Variants in SCAMP2 observed in about 807,000 individuals in gnomAD.
SCAMP2 encodes the protein secretory carrier-associated membrane protein 2.
In SCAMP2, 25 loss-of-function variants were observed where a neutral mutation model predicts 44.1. The ratio of observed to expected loss-of-function variants is 0.57; its 90% CI spans 0.41 to 0.79. The LOEUF (loss-of-function observed/expected upper bound fraction) is 0.79, where lower values mean the gene tolerates loss of function less well. Ranked by LOEUF, SCAMP2 falls within the 30% of genes least tolerant of loss-of-function variation. The probability of loss-of-function intolerance (pLI) is 0.00; values close to 1 mark genes in which losing one functional copy is unlikely to be tolerated. For synonymous variants in SCAMP2, 156 were observed against 166.0 expected (o/e 0.94, Z 0.46); for missense variants, 355 against 411.0 (o/e 0.86, Z 1.18).
chr15:74,853,886 G>T, intron 3 of SCAMP2, 135 bp downstream of exon 3: 1 of 745,092 alleles, frequency 1.3e-6, no homozygotes, highest in Non-Finnish European at 2.3e-6. Context: ...GACCAGCTCC[G>T]AACAAATTAG....
intron 7 of SCAMP2, chr15:74,848,299 C>A: frequency 4.0e-6 from 1 of 247,556 alleles, no homozygotes; most frequent in Non-Finnish European, 7.7e-6. Context: ...AACTCCTGGG[C>A]TTGAGCAATC....
chr15:74,851,570 A>C (rs1230191963), intron 4 of SCAMP2, 89 bp from the exon 5 acceptor site: 21 of 1,544,832 alleles, frequency 1.4e-5, no homozygotes, highest in Admixed American at 7.0e-5. Flanking sequence ...GTATGGGCCA[A>C]ACCAGGGTTC....
chr15:74,845,844 T>C (rs1293647663), intron 7 of SCAMP2, among the ~76,000 whole-genome samples: 2 of 152,204 alleles, frequency 1.3e-5, no homozygotes, highest in African/African-American at 2.4e-5. Context: ...GAGGATGTGG[T>C]TGCTGCCTTC....
At chr15:74,873,122 G>A in intron 1 of SCAMP2, 77 bp downstream of exon 1, 1 of 1,264,220 alleles carries the variant, frequency 7.9e-7, no homozygotes, top group Non-Finnish European at 1.0e-6. Flanking sequence ...ACGTCTCCCG[G>A]CTCTAGCGAG....
chr15:74,861,122 C>T (rs892219944), intron 1 of SCAMP2, among the ~76,000 whole-genome samples: 2 of 151,538 alleles, frequency 1.3e-5, no homozygotes, highest in Non-Finnish European at 2.9e-5. Context: ...TTGCAGTGAG[C>T]CAAGATCGTG....
chr15:74,871,871 C>T (rs2064577997), intron 1 of SCAMP2, among the ~76,000 whole-genome samples: 1 of 150,732 alleles, frequency 6.6e-6, no homozygotes, highest in African/African-American at 2.4e-5. Context: ...AAGGTGAAAC[C>T]CCGTCTCTAC....
At chr15:74,861,222 G>A (rs2141178262) in intron 1 of SCAMP2, among the ~76,000 whole-genome samples, 1 of 152,198 alleles carries the variant, frequency 6.6e-6, no homozygotes, top group South Asian at 2.1e-4. Flanking sequence ...AAAATTCAGG[G>A]TCATGCTGAG....
intron 4 of SCAMP2, 53 bp from the exon 5 acceptor site, chr15:74,851,534 T>A: frequency 1.9e-6 from 3 of 1,605,354 alleles, no homozygotes; most frequent in Non-Finnish European, 2.6e-6. Flanking sequence ...AGAAGGGGCA[T>A]CAAGGTGCAT....
chr15:74,847,508 G>A (rs1227962758), intron 7 of SCAMP2, among the ~76,000 whole-genome samples: 1 of 152,196 alleles, frequency 6.6e-6, no homozygotes, highest in Non-Finnish European at 1.5e-5. Flanking sequence ...GGTCAAAAGG[G>A]ACCAGATTAA....
intron 5 of SCAMP2, among the ~76,000 whole-genome samples, chr15:74,850,897 G>C (rs968321285): frequency 6.6e-6 from 1 of 152,192 alleles, no homozygotes; most frequent in Non-Finnish European, 1.5e-5. Context: ...GGGACAGCCC[G>C]GGTATCTGAG....
intron 6 of SCAMP2, among the ~76,000 whole-genome samples, chr15:74,849,499 T>G (rs1230243704): frequency 6.6e-6 from 1 of 150,652 alleles, no homozygotes; most frequent in Non-Finnish European, 1.5e-5. Context: ...ATCCCAGCAC[T>G]TTGGGAGGCC....
intron 1 of SCAMP2, among the ~76,000 whole-genome samples, chr15:74,866,266 C>A (rs951715573): frequency 6.6e-6 from 1 of 151,578 alleles, no homozygotes; most frequent in African/African-American, 2.4e-5. Flanking sequence ...AAGCAGCAGA[C>A]GCATCCCAGG....
At chr15:74,849,275 C>G (rs941368477) in intron 6 of SCAMP2, among the ~76,000 whole-genome samples, 1 of 152,184 alleles carries the variant, frequency 6.6e-6, no homozygotes, top group African/African-American at 2.4e-5. Context: ...TGGCAAAACC[C>G]TGTCTCTACT....
intron 4 of SCAMP2, 29 bp downstream of exon 4, chr15:74,852,040 C>A (rs745332887): frequency 3.4e-6 from 5 of 1,478,036 alleles, no homozygotes; most frequent in East Asian, 2.5e-5. Context: ...CCAGGCAGGG[C>A]AGCCCCAGGC....
Position 74,852,103 on chromosome 15 carries a change from C to A in SCAMP2, c.309G>T (p.Glu103Asp). The A allele has an allele frequency of 6.3e-7, 1 of 1,593,892 alleles. No individual in the cohort carries two copies. Among genetic ancestry groups the A allele is most frequent in the Non-Finnish European group, 8.5e-7 (1 of 1,170,204 alleles). The change falls in exon 4 of 9, where the codon GAG (glutamate) becomes GAT (aspartate). Residue 103 changes from glutamate to aspartate, a missense_variant. Coordinates refer to ENST00000268099, the MANE Select transcript of SCAMP2 (RefSeq NM_005697.5). Reference protein sequence around the residue: ...DRKAAELERKERELQNTVANL... With the variant: ...DRKAAELERKDRELQNTVANL... ...TGGCTACAGTGTTCTGCAGCTCCCG[C>A]TCCTTGCGTTCCAGCTCGGCAGCTT...
Position 74,848,598 on chromosome 15 carries a change from A to C in SCAMP2, c.734+2T>G. 3 of 1,580,652 alleles carry C rather than the reference A, an allele frequency of 1.9e-6. No homozygotes were observed. In the South Asian group the frequency reaches 3.3e-5, roughly 18 times the overall value. ...ATTCCCTCTGTGATGCCCAGGTCTC[A>C]CCTGTCCCCCAGGCCAGGGATGCCA... On this transcript the variant is annotated splice_donor_variant, in intron 7 of 8. Transcript: ENST00000268099. LOFTEE classifies it high-confidence loss of function.
intron 1 of SCAMP2, among the ~76,000 whole-genome samples, chr15:74,864,037 G>T (rs146624230): frequency 1.3e-5 from 2 of 152,022 alleles, no homozygotes; most frequent in Non-Finnish European, 2.9e-5. Context: ...CAAAGCCACA[G>T]GATCTTTATT....
At chr15:74,845,448 T>C (rs528663367) in intron 8 of SCAMP2, 25 bp downstream of exon 8, 30 of 1,613,914 alleles carry the variant, frequency 1.9e-5, no homozygotes, top group Non-Finnish European at 2.5e-5. Flanking sequence ...TCCCATTTGC[T>C]GTCAGCCCTG....
At chr15:74,858,722 G>T (rs1291810153) in intron 1 of SCAMP2, among the ~76,000 whole-genome samples, 1 of 151,560 alleles carries the variant, frequency 6.6e-6, no homozygotes, top group Non-Finnish European at 1.5e-5. Flanking sequence ...TATGTGGCAG[G>T]ATGAATGAGC....
Sources: gnomAD v4.1 joint callset for allele counts (sites outside exome capture counted in the v4.1 genomes callset) on GRCh38, gnomAD v4.1.1 for gene constraint, MANE v1.5 for transcripts, NCBI Gene and HGNC (gene_info 2026-07-23, HGNC 2026-07-21) for gene names.